Variants in MATN2 observed in about 807,000 individuals in gnomAD.
MATN2 encodes the protein matrilin 2.
In MATN2, 69 loss-of-function variants were observed where a neutral mutation model predicts 103.2. The ratio of observed to expected loss-of-function variants is 0.67; its 90% CI spans 0.55 to 0.82. The LOEUF (loss-of-function observed/expected upper bound fraction) is 0.82, where lower values mean the gene tolerates loss of function less well. Among genes scored for constraint, MATN2 ranks in the 40% least tolerant of loss-of-function variants. The pLI is 0.00. For missense variants in MATN2, 1,023 were observed against 1,211.5 expected, an observed-to-expected ratio of 0.84 and a Z score of 2.31; for synonymous variants, 429 against 450.2, an observed-to-expected ratio of 0.95 and a Z score of 0.60.
At chr8:97,874,669 T>A (rs1266537142) in intron 1 of MATN2, among the ~76,000 whole-genome samples, 1 of 151,938 alleles carries the variant, frequency 6.6e-6, no homozygotes, top group Non-Finnish European at 1.5e-5. Context: ...CCTGCCTTGG[T>A]TTCCCAAAGT....
intron 4 of MATN2, among the ~76,000 whole-genome samples, chr8:97,957,923 C>T (rs917065369): frequency 3.9e-5 from 6 of 152,138 alleles, no homozygotes; most frequent in African/African-American, 1.4e-4. Flanking sequence ...AAGGTCGCTG[C>T]TGCTTCTGTA....
intron 6 of MATN2, among the ~76,000 whole-genome samples, chr8:97,980,332 ATAGCAGCCT>A (rs137960983): frequency 0.092 from 14,036 of 152,140 alleles, 901 homozygotes; most frequent in Admixed American, 0.19. Flanking sequence ...GAACTGTAAA[ATAGCAGCCT>A]GTGCTGTCGT....
intron 2 of MATN2, among the ~76,000 whole-genome samples, chr8:97,927,916 C>T (rs746888665): frequency 1.5e-4 from 23 of 152,192 alleles, no homozygotes; most frequent in Non-Finnish European, 2.6e-4. Context: ...TCTCAGAGTG[C>T]GAGTCTTGTG....
At position 98,004,072 on chromosome 8, in the gene MATN2, AG is replaced by A. The variant is rs1586146719; in HGVS notation, c.1327+291del. 8.9e-6 allele frequency: 3 copies of A among 337,450 alleles called. No homozygotes were observed. In the East Asian group the frequency reaches 2.1e-4, roughly 24 times the overall value. 20.9% of individuals were successfully genotyped at this position (337,450 alleles called of 1,614,324 possible). A position where few individuals can be genotyped will look rare whatever the true frequency, so the allele number is the denominator to read the frequency against. Reference sequence around the variant, plus strand: ...GAGGCCAAGGCGGGCAGATCACCTGAGGTCAGGAGTTCAAGACCAGCCTGGC... The same window carrying A: ...GAGGCCAAGGCGGGCAGATCACCTGAGTCAGGAGTTCAAGACCAGCCTGGC... On this transcript the variant is annotated intron_variant, in intron 8 of 18. Coordinates refer to ENST00000254898, the MANE Select transcript of MATN2 (RefSeq NM_002380.5).
At chr8:97,874,057 A>T (rs1439637261) in intron 1 of MATN2, among the ~76,000 whole-genome samples, 19 of 152,200 alleles carry the variant, frequency 1.2e-4, no homozygotes, top group Admixed American at 1.2e-3. Context: ...CCAGAGCAAG[A>T]TCTCTGTGAA....
chr8:97,956,864 G>C (rs1253741803), intron 4 of MATN2, among the ~76,000 whole-genome samples: 1 of 152,210 alleles, frequency 6.6e-6, no homozygotes, highest in Non-Finnish European at 1.5e-5. Flanking sequence ...TAATGGAGGA[G>C]GGTATTCTTA....
chr8:97,941,177 A>G, intron 3 of MATN2, among the ~76,000 whole-genome samples: 1 of 148,010 alleles, frequency 6.8e-6, no homozygotes, highest in South Asian at 2.2e-4. Flanking sequence ...AAAAAAAAAA[A>G]AAAAAAAAGA....
chr8:97,930,265 G>A (rs1253114853), intron 2 of MATN2, among the ~76,000 whole-genome samples: 1 of 152,210 alleles, frequency 6.6e-6, no homozygotes, highest in Non-Finnish European at 1.5e-5. Flanking sequence ...TAGATTAGAA[G>A]CTCCTTAACT....
intron 2 of MATN2, among the ~76,000 whole-genome samples, chr8:97,894,576 C>A (rs917839007): frequency 1.3e-5 from 2 of 152,114 alleles, no homozygotes; most frequent in Admixed American, 1.3e-4. Context: ...CCTGCCTTGG[C>A]CTCCCAAAGT....
At chr8:97,964,737 A>G (rs1304798303) in intron 5 of MATN2, among the ~76,000 whole-genome samples, 1 of 151,330 alleles carries the variant, frequency 6.6e-6, no homozygotes, top group African/African-American at 2.4e-5. Context: ...GCCTGATGCC[A>G]TTTCTTTTTA....
At position 97,887,538 on chromosome 8, in the gene MATN2, A is replaced by T. The variant is rs180976265; in HGVS notation, c.-26-537A>T. Among the ~76,000 whole-genome samples, 15 of 152,326 alleles carry T rather than the reference A, an allele frequency of 9.8e-5. No individual in the cohort carries two copies. In the East Asian group the frequency reaches 2.9e-3, roughly 29 times the overall value. The stretch of plus-strand genomic sequence containing the variant: ...GTCTAGTACCAGAGTCCAAGCCCAT[A>T]ACCACTGTGCCAACACTCTTGTAAT... On this transcript the variant is annotated intron_variant, in intron 1 of 18. Transcript: ENST00000254898.
chr8:97,890,290 C>A (rs1476426534), intron 2 of MATN2, among the ~76,000 whole-genome samples: 1 of 152,052 alleles, frequency 6.6e-6, no homozygotes, highest in East Asian at 1.9e-4. Context: ...CATGGTGAAA[C>A]CCTGTCTCTA....
chr8:97,962,749 G>A lies in MATN2; in HGVS notation c.958+1219G>A, dbSNP rs561739192. ...AATTTTTATTATGCAAGTAATACCC[G>A]TTCATAGAGAAACTTAAACAGATGA... is the stretch of plus-strand genomic sequence containing the variant. On this transcript the variant is annotated intron_variant, in intron 5 of 18. Transcript: ENST00000254898. Among the ~76,000 whole-genome samples the A allele has an allele frequency of 8.5e-4, 129 of 152,266 alleles. 1 individual carries two copies. In the South Asian group the frequency reaches 0.015, roughly 18 times the overall value.
rs1818502838 is a variant in MATN2, at chr8:97,888,097, G to C, written c.-4G>C. ...CAGCCTTGCCCCTCTTGCTCGCCTTGAAAATGGAAAAGATGCTCGCAGGCT... is the reference window on the plus strand; with the variant it reads ...CAGCCTTGCCCCTCTTGCTCGCCTTCAAAATGGAAAAGATGCTCGCAGGCT... On this transcript the variant is annotated 5_prime_UTR_variant, in exon 2 of 19. Coordinates refer to ENST00000254898, the MANE Select transcript of MATN2 (RefSeq NM_002380.5). 2 of 1,607,630 alleles carry C rather than the reference G, an allele frequency of 1.2e-6. No homozygotes were observed. The highest frequency in any genetic ancestry group is 1.7e-6 in the Non-Finnish European group (2 of 1,177,330).
chr8:97,886,482 A>G (rs184416424), intron 1 of MATN2, among the ~76,000 whole-genome samples: 2 of 152,344 alleles, frequency 1.3e-5, no homozygotes, highest in East Asian at 1.9e-4. Context: ...GAGATACTCT[A>G]TAAATTAAAT....
chr8:97,984,401 C>A (rs957843910), intron 6 of MATN2, among the ~76,000 whole-genome samples: 5 of 152,202 alleles, frequency 3.3e-5, no homozygotes, highest in Admixed American at 6.5e-5. Flanking sequence ...ACTTAGTAGA[C>A]TAGCCAGGCA....
At chr8:97,979,994 A>G (rs1226668351) in intron 6 of MATN2, among the ~76,000 whole-genome samples, 5 of 152,224 alleles carry the variant, frequency 3.3e-5, no homozygotes, top group African/African-American at 1.2e-4. Flanking sequence ...GTATGGAACT[A>G]TAAGGGACAC....
intron 2 of MATN2, among the ~76,000 whole-genome samples, chr8:97,894,679 A>T (rs567216206): frequency 6.6e-6 from 1 of 152,204 alleles, no homozygotes; most frequent in East Asian, 1.9e-4. Flanking sequence ...GTATTAAGAG[A>T]CACTTATTTT....
At chr8:97,994,845 C>T (rs1267589636) in intron 7 of MATN2, among the ~76,000 whole-genome samples, 1 of 152,142 alleles carries the variant, frequency 6.6e-6, no homozygotes, top group Non-Finnish European at 1.5e-5. Flanking sequence ...AAGCTCCCAC[C>T]TATGTGAAAT....
Sources: gnomAD v4.1 joint callset for allele counts (sites outside exome capture counted in the v4.1 genomes callset) on GRCh38, gnomAD v4.1.1 for gene constraint, MANE v1.5 for transcripts, NCBI Gene and HGNC (gene_info 2026-07-23, HGNC 2026-07-21) for gene names.